ADAM10: variants seen among roughly 807,000 people sequenced by gnomAD.
ADAM10 encodes the protein disintegrin and metalloproteinase domain-containing protein 10.
A neutral mutation model predicts 90.1 loss-of-function variants in ADAM10; 17 were observed. That is an observed-to-expected ratio of 0.19 (90% CI 0.13 to 0.28). ADAM10 has a LOEUF of 0.28. Among genes scored for constraint, ADAM10 ranks in the 10% least tolerant of loss-of-function variants. The pLI, the probability that ADAM10 is intolerant of heterozygous loss-of-function variation, is 1.00. For synonymous variants in ADAM10, 310 were observed against 298.6 expected, an observed-to-expected ratio of 1.04 and a Z score of -0.40; for missense variants, 610 against 914.3, an observed-to-expected ratio of 0.67 and a Z score of 4.29.
chr15:58,685,520 T>C (rs1286451811), intron 2 of ADAM10, among the ~76,000 whole-genome samples: 1 of 141,556 alleles, frequency 7.1e-6, no homozygotes, highest in Non-Finnish European at 1.5e-5. Context: ...CGTTACCTTT[T>C]TTTAAAAACA....
In ADAM10 at chr15:58,597,548, T is replaced by C; in HGVS notation, c.2246A>G (p.Ter749=). 1 of 1,614,130 alleles carries C rather than the reference T, an allele frequency of 6.2e-7. No individual in the cohort carries two copies. The highest frequency in any genetic ancestry group is 8.5e-7 in the Non-Finnish European group (1 of 1,180,018). ...GAAGAACCAAGGCAAAAGCTGCAGTTAGCGTCTCATGTGTCCCATTTGATA... is the reference window on the plus strand; with the variant it reads ...GAAGAACCAAGGCAAAAGCTGCAGTCAGCGTCTCATGTGTCCCATTTGATA... ...ESYQMGHMRR[*] is the part of the protein sequence containing the mutation. Residue 749 remains the stop codon, a stop_retained_variant, in exon 16 of 16, where the codon TAA becomes TGA. Coordinates refer to ENST00000260408, the MANE Select transcript of ADAM10 (RefSeq NM_001110.4).
intron 11 of ADAM10, among the ~76,000 whole-genome samples, chr15:58,616,729 G>C (rs1660452740): frequency 6.6e-6 from 1 of 152,100 alleles, no homozygotes; most frequent in Non-Finnish European, 1.5e-5. Context: ...TCAGGAAAAA[G>C]CAAGAACGAA....
In ADAM10 at chr15:58,620,952, G is replaced by A. The variant is rs1238143710; in HGVS notation, c.1511+519C>T. ...CAAAGTGCTGGGATTACAGGCGTGA[G>A]CCACCGCGCCCGGCCAAGAATATGT... On this transcript the variant is annotated intron_variant, in intron 11 of 15. Transcript: ENST00000260408. 1.2e-4 allele frequency among the ~76,000 whole-genome samples: 5 copies of A among 41,300 alleles called. 1 individual carries two copies. The highest frequency in any genetic ancestry group is 1.0e-3 in the Admixed American group (4 of 3,870). 27.1% of individuals were successfully genotyped at this position (41,300 alleles called of 152,430 possible).
At chr15:58,707,929 T>C (rs552912648) in intron 2 of ADAM10, among the ~76,000 whole-genome samples, 1 of 151,976 alleles carries the variant, frequency 6.6e-6, no homozygotes, top group African/African-American at 2.4e-5. Flanking sequence ...ATATGGAAAT[T>C]AGCCAGGCGT....
In ADAM10 at chr15:58,646,114, T is replaced by C. The variant is rs745555389; in HGVS notation, c.676A>G (p.Ile226Val). The C allele has an allele frequency of 1.9e-6, 3 of 1,613,678 alleles. No individual in the cohort carries two copies. The highest frequency in any genetic ancestry group is 2.2e-5 in the East Asian group (1 of 44,818). ...TTAAAGAACAAATGATCAGTCTGAA[T>C]ATAAAGCTGACAAGTATTTTTTTCA... ...SAEKNTCQLY[I>V]QTDHLFFKYY... The change falls in exon 6 of 16, where the codon ATT (isoleucine) becomes GTT (valine). Residue 226 changes from isoleucine to valine, a missense_variant. Ile to Val is a conservative substitution (Grantham distance 29). Coordinates refer to ENST00000260408, the MANE Select transcript of ADAM10 (RefSeq NM_001110.4).
At chr15:58,685,463 CAATAAATAAATA>C (rs553224874) in intron 2 of ADAM10, among the ~76,000 whole-genome samples, 2 of 139,534 alleles carry the variant, frequency 1.4e-5, no homozygotes, top group Non-Finnish European at 3.0e-5. Context: ...ACTCCATCTC[CAATAAATAAATA>C]AATAAATAAA....
At chr15:58,617,313 T>C (rs1895644892) in intron 11 of ADAM10, among the ~76,000 whole-genome samples, 1 of 151,836 alleles carries the variant, frequency 6.6e-6, no homozygotes, top group Admixed American at 6.6e-5. Context: ...TATATGCCAA[T>C]AAATGGGAAA....
chr15:58,674,529 T>A (rs1167182628), intron 4 of ADAM10, among the ~76,000 whole-genome samples: 2 of 152,226 alleles, frequency 1.3e-5, no homozygotes, highest in Non-Finnish European at 2.9e-5. Flanking sequence ...CTGTTATATG[T>A]GAATGATACA....
chr15:58,698,249 A>G, intron 2 of ADAM10: 1 of 446,076 alleles, frequency 2.2e-6, no homozygotes, highest in South Asian at 1.6e-5. Context: ...CTAAGAAATC[A>G]TAAAATTTAG....
intron 14 of ADAM10, among the ~76,000 whole-genome samples, chr15:58,602,271 CCCA>C (rs1201422244): frequency 6.6e-6 from 1 of 152,108 alleles, no homozygotes; most frequent in African/African-American, 2.4e-5. Context: ...CTTTCCCTAC[CCCA>C]GCCTTGGAAC....
chr15:58,679,021 G>A lies in ADAM10; in HGVS notation c.484+103C>T, dbSNP rs375288425. On this transcript the variant is annotated intron_variant, in intron 4 of 15. Coordinates refer to ENST00000260408, the MANE Select transcript of ADAM10 (RefSeq NM_001110.4). ...TAAAAACTATGTTCTAGCCTGATTAGTAACTCAGGAAAGAAAACAGCTAAT... is the reference window on the plus strand; with the variant it reads ...TAAAAACTATGTTCTAGCCTGATTAATAACTCAGGAAAGAAAACAGCTAAT... The A allele has an allele frequency of 5.0e-5, 57 of 1,144,930 alleles. No individual in the cohort carries two copies. In the East Asian group the frequency reaches 1.3e-3, roughly 26 times the overall value. The allele number at this position is 1,144,930 out of a possible 1,614,324, so 70.9% of individuals were successfully genotyped here.
At chr15:58,670,908 G>GATATTA (rs1897176720) in intron 4 of ADAM10, among the ~76,000 whole-genome samples, 1 of 152,082 alleles carries the variant, frequency 6.6e-6, no homozygotes, top group Non-Finnish European at 1.5e-5. Flanking sequence ...AGAGATAAGA[G>GATATTA]ATATTAGCAC....
At chr15:58,729,270 C>T (rs1444570273) in intron 1 of ADAM10, among the ~76,000 whole-genome samples, 3 of 152,224 alleles carry the variant, frequency 2.0e-5, no homozygotes, top group African/African-American at 7.2e-5. Flanking sequence ...GTTCTTTCAA[C>T]TACTATCACT....
At chr15:58,727,540 T>C (rs866258027) in intron 1 of ADAM10, among the ~76,000 whole-genome samples, 44 of 152,098 alleles carry the variant, frequency 2.9e-4, no homozygotes, top group Admixed American at 2.0e-3. Context: ...CTATGTTGTC[T>C]AGGCTGGTCT....
chr15:58,682,424 G>T, intron 2 of ADAM10, 110 bp from the exon 3 acceptor site: 2 of 1,465,594 alleles, frequency 1.4e-6, no homozygotes, highest in Non-Finnish European at 1.8e-6. Flanking sequence ...TATGAAATTT[G>T]TCTATTTGTG....
chr15:58,608,467 G>A (rs1227362255), intron 14 of ADAM10, among the ~76,000 whole-genome samples: 1 of 152,142 alleles, frequency 6.6e-6, no homozygotes, highest in East Asian at 1.9e-4. Flanking sequence ...TGCTTGATGT[G>A]GTTAATGCCC....
chr15:58,712,222 A>T (rs532562198), intron 2 of ADAM10, among the ~76,000 whole-genome samples: 2 of 152,156 alleles, frequency 1.3e-5, no homozygotes, highest in South Asian at 4.1e-4. Flanking sequence ...ACGTAAGAAA[A>T]ATTTCTGGAA....
chr15:58,690,018 A>G (rs1897734870), intron 2 of ADAM10, among the ~76,000 whole-genome samples: 1 of 151,510 alleles, frequency 6.6e-6, no homozygotes, highest in African/African-American at 2.4e-5. Context: ...CAAAAACTAG[A>G]AAACTGAACA....
chr15:58,717,647 G>A lies in ADAM10; in HGVS notation c.136C>T (p.His46Tyr), dbSNP rs1898706941. The A allele has an allele frequency of 6.2e-7, 1 of 1,613,566 alleles. No individual in the cohort carries two copies. The highest frequency in any genetic ancestry group is 1.3e-5 in the African/African-American group (1 of 74,822). The change falls in exon 2 of 16, where the codon CAC becomes TAC. Residue 46 changes from histidine (H) to tyrosine (Y), a missense_variant. This residue lies in a region of ADAM10 where 310 missense variants were observed against 362.4 expected (regional missense o/e 0.86). Transcript: ENST00000260408. ...GAGACTGCTCTTTTGGCACGCTGGTGTTTTTGGTGTAATGAATCCACATTG... is the reference window on the plus strand; with the variant it reads ...GAGACTGCTCTTTTGGCACGCTGGTATTTTTGGTGTAATGAATCCACATTG... ...SYNVDSLHQK[H>Y]QRAKRAVSHE...
Sources: allele counts gnomAD v4.1 joint callset (sites outside exome capture counted in the v4.1 genomes callset), GRCh38; gene constraint gnomAD v4.1.1; regional missense constraint gnomAD v4.1.1; transcripts MANE v1.5; gene names NCBI Gene and HGNC (gene_info 2026-07-23, HGNC 2026-07-21).